INSL6: variants seen among roughly 807,000 people sequenced by gnomAD.
The protein encoded by INSL6 is insulin like 6.
In INSL6, 16 loss-of-function variants were observed where a neutral mutation model predicts 9.4. The observed-to-expected ratio is 1.70, with a 90% CI of 1.15 to 2.59. INSL6 has a LOEUF of 2.59. Ranked by LOEUF, INSL6 falls within the 30% of genes most tolerant of loss-of-function variation. The pLI, the probability that INSL6 is intolerant of heterozygous loss-of-function variation, is 0.00. For synonymous variants in INSL6, 154 were observed against 96.9 expected (o/e 1.59, Z -3.46); for missense variants, 391 against 257.3 (o/e 1.52, Z -3.56).
chr9:5,127,764 T>C (rs1478407182), intron 3 of INSL6: 4 of 232,558 alleles, frequency 1.7e-5, no homozygotes, highest in Non-Finnish European at 2.6e-5. Context: ...TAAAAATGGA[T>C]AGCTCATTAA....
intron 1 of INSL6, among the ~76,000 whole-genome samples, chr9:5,169,711 G>C (rs1295480082): frequency 6.6e-6 from 1 of 152,030 alleles, no homozygotes; most frequent in African/African-American, 2.4e-5. Flanking sequence ...AAACAGCAAG[G>C]GTTGCAATCC....
At chr9:5,151,015 G>A (rs1824702639) in intron 2 of INSL6, among the ~76,000 whole-genome samples, 1 of 152,134 alleles carries the variant, frequency 6.6e-6, no homozygotes, top group African/African-American at 2.4e-5. Flanking sequence ...ACCTAAAAGT[G>A]GGACCTAAAT....
chr9:5,114,436 G>T, the INSL6 span: 1 of 487,590 alleles, frequency 2.1e-6, no homozygotes, highest in South Asian at 1.8e-5. Flanking sequence ...TACCAGTGCA[G>T]GGTGACCCAC....
At chr9:4,996,702 CT>C in the INSL6 span, among the ~76,000 whole-genome samples, 2 of 151,872 alleles carry the variant, frequency 1.3e-5, no homozygotes, top group African/African-American at 2.4e-5. Context: ...GCCTTCACCC[CT>C]ACCCCTCCCT....
intron 1 of INSL6, among the ~76,000 whole-genome samples, chr9:5,183,104 T>C (rs899709242): frequency 1.3e-5 from 2 of 152,204 alleles, no homozygotes; most frequent in East Asian, 3.8e-4. Flanking sequence ...TATTCATATA[T>C]AAAAATGATG....
At chr9:5,081,123 C>T in the INSL6 span, among the ~76,000 whole-genome samples, 17 of 151,886 alleles carry the variant, frequency 1.1e-4, no homozygotes, top group African/African-American at 3.9e-4. Flanking sequence ...TCTCGATCTC[C>T]TGATCTTGTG....
At chr9:5,040,906 A>C in the INSL6 span, 3 of 309,950 alleles carry the variant, frequency 9.7e-6, no homozygotes, top group Non-Finnish European at 6.2e-6. Context: ...CTGGCCGGCC[A>C]CCCAGACGCT....
the INSL6 span, among the ~76,000 whole-genome samples, chr9:5,078,957 G>A: frequency 2.0e-5 from 3 of 152,172 alleles, no homozygotes; most frequent in Non-Finnish European, 4.4e-5. Context: ...TCAGATAGTT[G>A]AGAGGGGTTT....
intron 2 of INSL6, among the ~76,000 whole-genome samples, chr9:5,146,531 T>C (rs929465151): frequency 6.6e-6 from 1 of 152,140 alleles, no homozygotes; most frequent in African/African-American, 2.4e-5. Flanking sequence ...CTGTGCCCCA[T>C]AAGCAGGAGT....
the INSL6 span, among the ~76,000 whole-genome samples, chr9:5,053,543 A>G: frequency 2.6e-5 from 4 of 152,014 alleles, no homozygotes; most frequent in African/African-American, 9.7e-5. Context: ...ATGTGGTTTT[A>G]GCAACATGGA....
the INSL6 span, among the ~76,000 whole-genome samples, chr9:5,004,785 A>G: frequency 2.0e-4 from 31 of 152,240 alleles, no homozygotes; most frequent in African/African-American, 6.7e-4. Flanking sequence ...ACACTCACCA[A>G]TGCTTGTTAT....
the INSL6 span, among the ~76,000 whole-genome samples, chr9:5,028,941 CTT>C: frequency 2.0e-5 from 3 of 152,224 alleles, no homozygotes; most frequent in Non-Finnish European, 2.9e-5. Flanking sequence ...GTTTTGCTCT[CTT>C]ATCATTTATG....
At chr9:5,109,918 T>C in the INSL6 span, 1 of 152,306 alleles carries the variant, frequency 6.6e-6, no homozygotes, top group South Asian at 2.1e-4. Context: ...ATCATGTCTT[T>C]CTTACTAACT....
At chr9:5,106,213 C>T in the INSL6 span, among the ~76,000 whole-genome samples, 1 of 152,086 alleles carries the variant, frequency 6.6e-6, no homozygotes, top group Admixed American at 6.5e-5. Flanking sequence ...AAGAAAAAAA[C>T]AACCCCATCA....
At chr9:5,151,778 T>C (rs1357925383) in intron 2 of INSL6, among the ~76,000 whole-genome samples, 1 of 152,058 alleles carries the variant, frequency 6.6e-6, no homozygotes, top group Non-Finnish European at 1.5e-5. Flanking sequence ...GATTGTATAT[T>C]TAAACACAAA....
At chr9:4,994,989 T>C in the INSL6 span, among the ~76,000 whole-genome samples, 10 of 151,976 alleles carry the variant, frequency 6.6e-5, no homozygotes, top group Admixed American at 3.3e-4. Context: ...AGAAGAGGAG[T>C]TGCTGATTCA....
the INSL6 span, chr9:5,095,040 ATTACT>A: frequency 6.8e-6 from 1 of 147,076 alleles, no homozygotes; most frequent in African/African-American, 2.4e-5. Flanking sequence ...TGACAAAAGA[ATTACT>A]TTGATAGAGT....
At chr9:5,041,396 A>T in the INSL6 span, 1 of 628,044 alleles carries the variant, frequency 1.6e-6, no homozygotes, top group Admixed American at 2.3e-5. Context: ...GAGCCACTGC[A>T]ACAACCTGGA....
At chr9:5,136,675 G>A (rs897922786) in intron 2 of INSL6, among the ~76,000 whole-genome samples, 2 of 152,126 alleles carry the variant, frequency 1.3e-5, no homozygotes, top group Non-Finnish European at 2.9e-5. Context: ...TACTGAACGG[G>A]CAAAAACTGG....
Sources: allele counts gnomAD v4.1 joint callset (sites outside exome capture counted in the v4.1 genomes callset), GRCh38; gene constraint gnomAD v4.1.1; transcripts MANE v1.5; gene names NCBI Gene and HGNC (gene_info 2026-07-23, HGNC 2026-07-21).